The following CTDSPL2 variants were observed in gnomAD, a reference collection of about 807,000 sequenced individuals.
CTDSPL2 encodes CTD small phosphatase-like protein 2.
CTDSPL2 carries 5 observed loss-of-function variants against 60.0 expected under a neutral mutation model. The observed-to-expected ratio is 0.08, with a 90% CI of 0.04 to 0.18. The LOEUF (loss-of-function observed/expected upper bound fraction) is 0.18, where lower values mean the gene tolerates loss of function less well. CTDSPL2 is among the 10% of genes least tolerant of loss of function. The pLI, the probability that CTDSPL2 is intolerant of heterozygous loss-of-function variation, is 1.00. For synonymous variants in CTDSPL2, 186 were observed against 189.3 expected, an observed-to-expected ratio of 0.98 and a Z score of 0.14; for missense variants, 370 against 548.8, an observed-to-expected ratio of 0.67 and a Z score of 3.26.
intron 2 of CTDSPL2, among the ~76,000 whole-genome samples, chr15:44,469,660 A>G (rs772588237): frequency 1.3e-5 from 2 of 152,140 alleles, no homozygotes; most frequent in African/African-American, 2.4e-5. Flanking sequence ...AATGTTCTAT[A>G]TGTATTTGGG....
intron 1 of CTDSPL2, among the ~76,000 whole-genome samples, chr15:44,450,403 G>A (rs562912072): frequency 6.6e-6 from 1 of 152,082 alleles, no homozygotes; most frequent in South Asian, 2.1e-4. Flanking sequence ...GAACTTGTAA[G>A]TTCACTTCTA....
chr15:44,501,398 TCTTCC>T (rs1349333422), intron 8 of CTDSPL2, among the ~76,000 whole-genome samples: 2 of 152,130 alleles, frequency 1.3e-5, no homozygotes, highest in Admixed American at 1.3e-4. Context: ...TAAATTTGAT[TCTTCC>T]CTTTCATGAG....
intron 5 of CTDSPL2, among the ~76,000 whole-genome samples, chr15:44,492,876 A>G (rs1254752575): frequency 6.6e-6 from 1 of 152,180 alleles, no homozygotes; most frequent in East Asian, 1.9e-4. Flanking sequence ...AGACTAATAA[A>G]GTATAGACTA....
intron 5 of CTDSPL2, among the ~76,000 whole-genome samples, chr15:44,492,145 A>G (rs2081226209): frequency 6.6e-6 from 1 of 152,056 alleles, no homozygotes; most frequent in Non-Finnish European, 1.5e-5. Context: ...CTGGGATTAC[A>G]ACTGTGAGCC....
chr15:44,451,766 T>G (rs1411725864), intron 1 of CTDSPL2, among the ~76,000 whole-genome samples: 1 of 152,224 alleles, frequency 6.6e-6, no homozygotes, highest in Non-Finnish European at 1.5e-5. Context: ...ATCTATGAAA[T>G]TTATCTCCCT....
rs1463957142 is a variant in CTDSPL2, at chr15:44,527,508, A to G, written c.*3334A>G. 2 of 152,168 alleles carry G rather than the reference A, an allele frequency of 1.3e-5. No individual in the cohort carries two copies. The highest frequency in any genetic ancestry group is 2.9e-5 in the Non-Finnish European group (2 of 68,004). The allele number at this position is 152,168 out of a possible 1,614,324, so 9.4% of individuals were successfully genotyped here. Reference sequence around the variant, plus strand: ...GCACAGAATTCTTCATAAGGACCAGATCTCTTCCATGTCTGTGTCAATCAC... The same window carrying G: ...GCACAGAATTCTTCATAAGGACCAGGTCTCTTCCATGTCTGTGTCAATCAC... On this transcript the variant is annotated 3_prime_UTR_variant, in exon 13 of 13. Coordinates refer to ENST00000260327, the MANE Select transcript of CTDSPL2 (RefSeq NM_016396.3).
At chr15:44,478,871 A>G (rs1048208467) in intron 2 of CTDSPL2, among the ~76,000 whole-genome samples, 1 of 151,982 alleles carries the variant, frequency 6.6e-6, no homozygotes, top group East Asian at 1.9e-4. Flanking sequence ...AATCCCAGCT[A>G]CTTGGGAGGC....
intron 2 of CTDSPL2, among the ~76,000 whole-genome samples, chr15:44,461,462 C>A (rs1487122761): frequency 6.6e-6 from 1 of 151,846 alleles, no homozygotes; most frequent in African/African-American, 2.4e-5. Context: ...TATCATAGCT[C>A]ACTGCAGCCT....
At chr15:44,511,867 CAAAAA>C (rs68063380) in intron 8 of CTDSPL2, among the ~76,000 whole-genome samples, 55 of 30,616 alleles carry the variant, frequency 1.8e-3, no homozygotes, top group Non-Finnish European at 3.6e-3. Context: ...GACGGTCTCG[CAAAAA>C]AAAAAAAAAA....
intron 1 of CTDSPL2, among the ~76,000 whole-genome samples, chr15:44,428,989 GT>G (rs1287940155): frequency 2.0e-5 from 3 of 152,034 alleles, no homozygotes; most frequent in East Asian, 1.9e-4. Flanking sequence ...ATCTTTGTAG[GT>G]TTTTTTGTTT....
chr15:44,498,230 G>T (rs558904393), intron 7 of CTDSPL2, among the ~76,000 whole-genome samples: 3 of 152,098 alleles, frequency 2.0e-5, no homozygotes, highest in Non-Finnish European at 2.9e-5. Flanking sequence ...TGTCATATTG[G>T]AAAATATTTT....
chr15:44,431,198 T>C (rs2079850348), intron 1 of CTDSPL2, among the ~76,000 whole-genome samples: 1 of 151,530 alleles, frequency 6.6e-6, no homozygotes, highest in Non-Finnish European at 1.5e-5. Flanking sequence ...TAGGCTCAAG[T>C]GATTCTCCCT....
intron 2 of CTDSPL2, among the ~76,000 whole-genome samples, chr15:44,463,656 T>G (rs1285380252): frequency 3.9e-5 from 6 of 152,212 alleles, no homozygotes; most frequent in African/African-American, 1.4e-4. Context: ...TGTGGTTAAT[T>G]TGTCACATAT....
chr15:44,474,571 A>G (rs550855199), intron 2 of CTDSPL2, among the ~76,000 whole-genome samples: 91 of 152,054 alleles, frequency 6.0e-4, no homozygotes, highest in Non-Finnish European at 9.4e-4. Flanking sequence ...AAAGAATGCA[A>G]TGGGCCAGGC....
At chr15:44,474,384 A>C (rs1217080299) in intron 2 of CTDSPL2, among the ~76,000 whole-genome samples, 2 of 152,116 alleles carry the variant, frequency 1.3e-5, no homozygotes, top group Non-Finnish European at 2.9e-5. Context: ...CCTGCTACTC[A>C]GGAGGCTGAG....
At chr15:44,511,210 ACT>A (rs1263817000) in intron 8 of CTDSPL2, among the ~76,000 whole-genome samples, 1 of 152,204 alleles carries the variant, frequency 6.6e-6, no homozygotes, top group Non-Finnish European at 1.5e-5. Context: ...GTAAAGAAAC[ACT>A]CTAGCAATAT....
At chr15:44,445,877 TC>T (rs1198778930) in intron 1 of CTDSPL2, among the ~76,000 whole-genome samples, 1 of 151,244 alleles carries the variant, frequency 6.6e-6, no homozygotes, top group African/African-American at 2.4e-5. Context: ...GACTTCATGA[TC>T]CACCTGCCTC....
intron 2 of CTDSPL2, among the ~76,000 whole-genome samples, chr15:44,476,339 T>TA (rs1401389159): frequency 6.6e-6 from 1 of 152,180 alleles, no homozygotes; most frequent in African/African-American, 2.4e-5. Flanking sequence ...GTGCTGGGAT[T>TA]ACAGTCGCGA....
intron 2 of CTDSPL2, among the ~76,000 whole-genome samples, chr15:44,470,935 C>CA (rs201576645): frequency 2.4e-4 from 36 of 150,292 alleles, no homozygotes; most frequent in African/African-American, 5.9e-4. Flanking sequence ...ATTGACTTCT[C>CA]AAAAAAAAAC....
Sources: allele counts gnomAD v4.1 joint callset (sites outside exome capture counted in the v4.1 genomes callset), GRCh38; gene constraint gnomAD v4.1.1; transcripts MANE v1.5; gene names NCBI Gene and HGNC (gene_info 2026-07-23, HGNC 2026-07-21).